The following GAS7 variants were observed in gnomAD, a reference collection of about 807,000 sequenced individuals.
GAS7 encodes growth arrest-specific protein 7.
A neutral mutation model predicts 71.1 loss-of-function variants in GAS7; 28 were observed. The observed-to-expected ratio is 0.39, with a 90% CI of 0.29 to 0.54. GAS7 has a LOEUF of 0.54. GAS7 is among the 20% of genes least tolerant of loss of function. GAS7 has a pLI of 0.62. For missense variants in GAS7, 436 were observed against 627.8 expected (o/e 0.69, Z 3.27); for synonymous variants, 258 against 245.8 (o/e 1.05, Z -0.46).
In GAS7 at chr17:9,998,513, G is replaced by A. The variant is rs186897125; in HGVS notation, c.305-16629C>T. ...GAGAACCCAGAGAAAGATCGCGCCC[G>A]TGATCCTAGAACTTTGGGAGGCCAA... On this transcript the variant is annotated intron_variant, in intron 2 of 13. Transcript: ENST00000432992. Among the ~76,000 whole-genome samples, 12 of 150,810 alleles carry A rather than the reference G, an allele frequency of 8.0e-5. No homozygotes were observed. In the East Asian group the frequency reaches 1.5e-3, roughly 19 times the overall value.
intron 11 of GAS7, among the ~76,000 whole-genome samples, chr17:9,925,030 G>A (rs1364550158): frequency 6.6e-6 from 1 of 152,228 alleles, no homozygotes; most frequent in Non-Finnish European, 1.5e-5. Context: ...ATCCCCATAG[G>A]TGAACCTTCA....
At chr17:10,070,631 T>G (rs2073331058) in intron 1 of GAS7, among the ~76,000 whole-genome samples, 1 of 152,148 alleles carries the variant, frequency 6.6e-6, no homozygotes, top group South Asian at 2.1e-4. Flanking sequence ...CCCAAAGTGC[T>G]GGGATCACAG....
intron 1 of GAS7, among the ~76,000 whole-genome samples, chr17:10,161,076 C>T (rs2074252381): frequency 6.6e-6 from 1 of 151,996 alleles, no homozygotes; most frequent in South Asian, 2.1e-4. Context: ...GAACAAGGGT[C>T]GCGGCTCCGT....
intron 1 of GAS7, among the ~76,000 whole-genome samples, chr17:10,082,581 T>C (rs1038648475): frequency 6.6e-6 from 1 of 152,188 alleles, no homozygotes; most frequent in Non-Finnish European, 1.5e-5. Flanking sequence ...GGAAAATAGT[T>C]TTGCCATTTC....
At position 9,918,117 on chromosome 17, in the gene GAS7, G is replaced by A. The variant is rs374037924; in HGVS notation, c.1219-18C>T. ...TCTAGCTCCTGCCGAGAAAGCAAAG[G>A]CCAGAGAACTCTGAGCACGTCCCCT... On this transcript the variant is annotated intron_variant, in intron 12 of 13. Coordinates refer to ENST00000432992, the MANE Select transcript of GAS7 (RefSeq NM_201433.2). 6.3e-7 allele frequency: 1 copy of A among 1,589,304 alleles called. No homozygotes were observed. The highest frequency in any genetic ancestry group is 8.6e-7 in the Non-Finnish European group (1 of 1,158,530).
In GAS7 at chr17:9,959,344, C is replaced by CT; in HGVS notation, c.472-90dup. The CT allele has an allele frequency of 6.3e-7, 1 of 1,593,662 alleles. No individual in the cohort carries two copies. The highest frequency in any genetic ancestry group is 8.6e-7 in the Non-Finnish European group (1 of 1,169,220). On this transcript the variant is annotated intron_variant, in intron 4 of 13. Transcript: ENST00000432992. The surrounding 1 kb of genome is among the most constrained non-coding windows in gnomAD (Gnocchi z 5.0). ...TTCAGGTTCCCTGAGGGTGGAGGCG[C>CT]TGGGGAATCAGGGATGCTCAGTCTG...
At chr17:10,158,830 G>A (rs1253059424) in intron 1 of GAS7, among the ~76,000 whole-genome samples, 1 of 151,554 alleles carries the variant, frequency 6.6e-6, no homozygotes, top group African/African-American at 2.4e-5. Flanking sequence ...CAAGGTGGGA[G>A]GATCATTTGA....
rs78230914 is a variant in GAS7, at chr17:10,097,129, G to T, written c.184-77232C>A. Among the ~76,000 whole-genome samples, 1,173 of 152,262 alleles carry T rather than the reference G, an allele frequency of 7.7e-3. 17 individuals carry two copies. The highest frequency in any genetic ancestry group is 0.027 in the African/African-American group (1,103 of 41,552). On this transcript the variant is annotated intron_variant, in intron 1 of 13. Coordinates refer to ENST00000432992, the MANE Select transcript of GAS7 (RefSeq NM_201433.2). ...TGGGCTGCCTTCCCTCTCTAGTCTTGGGGAATCCTACTCCTCTGTAAGGCC... is the reference window on the plus strand; with the variant it reads ...TGGGCTGCCTTCCCTCTCTAGTCTTTGGGAATCCTACTCCTCTGTAAGGCC...
At chr17:9,988,871 C>T (rs545523849) in intron 2 of GAS7, among the ~76,000 whole-genome samples, 21 of 132,562 alleles carry the variant, frequency 1.6e-4, no homozygotes, top group South Asian at 2.4e-4. Flanking sequence ...TTTTTTGAGA[C>T]GGAGTCTCGC....
chr17:10,170,730 C>T (rs1352997592), intron 1 of GAS7, among the ~76,000 whole-genome samples: 5 of 152,224 alleles, frequency 3.3e-5, no homozygotes, highest in Admixed American at 3.3e-4. Flanking sequence ...GCCCTGCACA[C>T]GGCTGGCACT....
At chr17:9,996,173 T>C (rs970705194) in intron 2 of GAS7, among the ~76,000 whole-genome samples, 13 of 152,034 alleles carry the variant, frequency 8.6e-5, no homozygotes, top group East Asian at 1.9e-4. Context: ...TGGAACCAAG[T>C]CAAATGTCCA....
chr17:10,124,832 C>T (rs958863205), intron 1 of GAS7, among the ~76,000 whole-genome samples: 4 of 152,022 alleles, frequency 2.6e-5, no homozygotes, highest in South Asian at 4.1e-4. Context: ...GCAAGAGAAT[C>T]GCTTGAACCC....
In GAS7 at chr17:9,946,769, C is replaced by T. The variant is rs78177666; in HGVS notation, c.615+125G>A. 5,705 of 616,370 alleles carry T rather than the reference C, an allele frequency of 9.3e-3. 46 individuals are homozygous for T. The highest frequency in any genetic ancestry group is 0.018 in the Middle Eastern group (40 of 2,212). 38.2% of individuals were successfully genotyped at this position (616,370 alleles called of 1,614,324 possible). On this transcript the variant is annotated intron_variant, in intron 6 of 13. Coordinates refer to ENST00000432992, the MANE Select transcript of GAS7 (RefSeq NM_201433.2). Reference sequence around the variant, plus strand: ...CCTGTCACAGATGCAAACTCTAACACCAGCCCTTCACGCTCCAACGAGAAA... The same window carrying T: ...CCTGTCACAGATGCAAACTCTAACATCAGCCCTTCACGCTCCAACGAGAAA...
Position 9,993,434 on chromosome 17 carries a change from C to T in GAS7, c.305-11550G>A, listed in dbSNP as rs2070920448. On this transcript the variant is annotated intron_variant, in intron 2 of 13. Coordinates refer to ENST00000432992, the MANE Select transcript of GAS7 (RefSeq NM_201433.2). ...AGAAGTGTCTGTTCATGTCCTTTGC[C>T]CACTTTTTGATGGATGCAGAAAAGG... Among the ~76,000 whole-genome samples, 4 of 152,240 alleles carry T rather than the reference C, an allele frequency of 2.6e-5. No individual in the cohort carries two copies. The South Asian group carries it at 6.2e-4, about 24-fold the overall frequency.
In GAS7 at chr17:10,004,365, T is replaced by C. The variant is rs551860545; in HGVS notation, c.304+15412A>G. Among the ~76,000 whole-genome samples the C allele has an allele frequency of 7.9e-5, 12 of 152,310 alleles. No homozygotes were observed. The East Asian group carries it at 1.9e-3, about 25-fold the overall frequency. ...GAATATAACCTACAGATCATTTCAA[T>C]GCATACTAGGAGTTTCACTGACTCG... On this transcript the variant is annotated intron_variant, in intron 2 of 13. Coordinates refer to ENST00000432992, the MANE Select transcript of GAS7 (RefSeq NM_201433.2).
At chr17:10,005,224 T>C (rs1304131865) in intron 2 of GAS7, among the ~76,000 whole-genome samples, 3 of 94,880 alleles carry the variant, frequency 3.2e-5, no homozygotes, top group African/African-American at 1.7e-4. Flanking sequence ...CGCGTGTGCA[T>C]GTATGTGTAT....
Position 9,911,029 on chromosome 17 carries a change from G to C in GAS7, c.*6199C>G, listed in dbSNP as rs574142911. 1.3e-5 allele frequency: 3 copies of C among 232,918 alleles called. No individual in the cohort carries two copies. The highest frequency in any genetic ancestry group is 4.4e-5 in the African/African-American group (2 of 45,304). 14.4% of individuals were successfully genotyped at this position (232,918 alleles called of 1,614,324 possible). A position where few individuals can be genotyped will look rare whatever the true frequency, so the allele number is the denominator to read the frequency against. On this transcript the variant is annotated 3_prime_UTR_variant, in exon 14 of 14. Coordinates refer to ENST00000432992, the MANE Select transcript of GAS7 (RefSeq NM_201433.2). The surrounding 1 kb of genome is among the most constrained non-coding windows in gnomAD (Gnocchi z 4.0). ...TTTCATAGGGTTTGCCGATGTGCTC[G>C]TGTCTGTGAAGGGGTTGCTTCCGGT...
chr17:9,977,114 C>T (rs755036320), intron 3 of GAS7, among the ~76,000 whole-genome samples: 3 of 152,140 alleles, frequency 2.0e-5, no homozygotes, highest in Non-Finnish European at 4.4e-5. Context: ...AGATGTCAAC[C>T]GGGAGAACTG....
chr17:10,132,644 T>G (rs933293329), intron 1 of GAS7, among the ~76,000 whole-genome samples: 2 of 152,024 alleles, frequency 1.3e-5, no homozygotes, highest in African/African-American at 4.8e-5. Flanking sequence ...GGTGCGCGCC[T>G]GTAGTCCTAG....
Sources: allele counts gnomAD v4.1 joint callset (sites outside exome capture counted in the v4.1 genomes callset), GRCh38; gene constraint gnomAD v4.1.1; non-coding constraint Gnocchi (gnomAD v3.1); transcripts MANE v1.5; gene names NCBI Gene and HGNC (gene_info 2026-07-23, HGNC 2026-07-21).